The following PIP5K1B variants were observed in gnomAD, a reference collection of about 807,000 sequenced individuals.
PIP5K1B encodes phosphatidylinositol 4-phosphate 5-kinase type-1 beta.
In PIP5K1B, 42 loss-of-function variants were observed where a neutral mutation model predicts 67.0. The ratio of observed to expected loss-of-function variants is 0.63; its 90% CI spans 0.49 to 0.81. The LOEUF (loss-of-function observed/expected upper bound fraction) is 0.81, where lower values mean the gene tolerates loss of function less well. Among genes scored for constraint, PIP5K1B ranks in the 30% least tolerant of loss-of-function variants. The pLI is 0.00. For synonymous variants in PIP5K1B, 214 were observed against 231.4 expected, an observed-to-expected ratio of 0.92 and a Z score of 0.68; for missense variants, 459 against 646.3, an observed-to-expected ratio of 0.71 and a Z score of 3.14.
At chr9:68,712,744 G>C (rs1488193023) in intron 1 of PIP5K1B, among the ~76,000 whole-genome samples, 1 of 152,110 alleles carries the variant, frequency 6.6e-6, no homozygotes, top group East Asian at 1.9e-4. Context: ...ATAAATTCTG[G>C]CATGATTATT....
intron 1 of PIP5K1B, among the ~76,000 whole-genome samples, chr9:68,724,820 TA>T (rs1828075729): frequency 1.3e-5 from 2 of 152,222 alleles, no homozygotes; most frequent in Admixed American, 1.3e-4. Context: ...TTCCAGATCT[TA>T]GTGGAAAGGC....
intron 3 of PIP5K1B, 40 bp from the exon 4 acceptor site, chr9:68,822,575 G>T: frequency 7.1e-7 from 1 of 1,402,072 alleles, no homozygotes; most frequent in Non-Finnish European, 1.0e-6. Flanking sequence ...GTATTTCAGA[G>T]TAACATTGAA....
At chr9:68,779,690 A>G (rs1831116779) in intron 2 of PIP5K1B, among the ~76,000 whole-genome samples, 1 of 152,118 alleles carries the variant, frequency 6.6e-6, no homozygotes, top group Non-Finnish European at 1.5e-5. Context: ...GCTTCCTGCA[A>G]AGTTCTACAT....
At chr9:68,816,946 A>C (rs1421122935) in intron 2 of PIP5K1B, among the ~76,000 whole-genome samples, 1 of 152,244 alleles carries the variant, frequency 6.6e-6, no homozygotes, top group Non-Finnish European at 1.5e-5. Flanking sequence ...ACTGTGTAAA[A>C]ATTTAAAATG....
Position 68,925,796 on chromosome 9 carries a change from T to TTTTTTTTTTTTTTC in PIP5K1B, c.1201+2423_1201+2424insCTTTTTTTTTTTTT, listed in dbSNP as rs1554739087. Among the ~76,000 whole-genome samples the TTTTTTTTTTTTTTC allele has an allele frequency of 6.8e-3, 294 of 43,328 alleles. 23 individuals are homozygous for TTTTTTTTTTTTTTC. Among genetic ancestry groups the TTTTTTTTTTTTTTC allele is most frequent in the African/African-American group, 0.018 (278 of 15,556 alleles). The allele number at this position is 43,328 out of a possible 152,430, so 28.4% of individuals were successfully genotyped here. ...CATGAATACCAGCTTGTGGTTCCAA[T>TTTTTTTTTTTTTTC]TTTTTTTTTTTTTTTTTTTGAGACA... On this transcript the variant is annotated intron_variant, in intron 12 of 15. Transcript: ENST00000265382.
At chr9:68,999,176 TATAAGG>T (rs1830712882) in intron 15 of PIP5K1B, among the ~76,000 whole-genome samples, 1 of 152,204 alleles carries the variant, frequency 6.6e-6, no homozygotes, top group Non-Finnish European at 1.5e-5. Context: ...CCTCTCTTCT[TATAAGG>T]ATGTCACTCA....
chr9:68,940,596 C>G, intron 13 of PIP5K1B, 50 bp from the exon 14 acceptor site: 1 of 1,563,886 alleles, frequency 6.4e-7, no homozygotes, highest in Non-Finnish European at 8.8e-7. Flanking sequence ...GATACTAAAG[C>G]TGCATTTATC....
chr9:69,006,976 A>G (rs1831114226), intron 15 of PIP5K1B, among the ~76,000 whole-genome samples: 1 of 152,172 alleles, frequency 6.6e-6, no homozygotes, highest in East Asian at 1.9e-4. Flanking sequence ...AAAGACAGCT[A>G]TCCTGGGAAT....
chr9:68,733,073 G>A (rs549190457), intron 1 of PIP5K1B, among the ~76,000 whole-genome samples: 14 of 152,244 alleles, frequency 9.2e-5, no homozygotes, highest in Admixed American at 1.3e-4. Context: ...GGTGTGGGCC[G>A]CAAGGTGATT....
chr9:68,924,940 A>G (rs1404499571), intron 12 of PIP5K1B, among the ~76,000 whole-genome samples: 1 of 152,190 alleles, frequency 6.6e-6, no homozygotes, highest in Non-Finnish European at 1.5e-5. Context: ...CTTTATTTCT[A>G]TACTTTATGT....
intron 2 of PIP5K1B, among the ~76,000 whole-genome samples, chr9:68,807,014 G>A (rs1286718374): frequency 1.4e-5 from 2 of 142,348 alleles, no homozygotes; most frequent in African/African-American, 5.2e-5. Context: ...CTCTCTGACT[G>A]TGATGATTGA....
At chr9:68,841,229 A>G (rs1821904527) in intron 4 of PIP5K1B, among the ~76,000 whole-genome samples, 1 of 152,208 alleles carries the variant, frequency 6.6e-6, no homozygotes, top group South Asian at 2.1e-4. Flanking sequence ...TGTGACTGAA[A>G]AGCAAATGTG....
chr9:68,997,519 G>A (rs138568265), intron 15 of PIP5K1B, among the ~76,000 whole-genome samples: 6 of 152,296 alleles, frequency 3.9e-5, no homozygotes, highest in African/African-American at 7.2e-5. Flanking sequence ...CAAACACTGC[G>A]TTTGGTGTAG....
intron 4 of PIP5K1B, among the ~76,000 whole-genome samples, chr9:68,852,551 C>T (rs77483622): frequency 0.11 from 16,225 of 152,204 alleles, 1,134 homozygotes; most frequent in Non-Finnish European, 0.16. Flanking sequence ...GCCATGGTGT[C>T]CCATTGGCCA....
intron 2 of PIP5K1B, among the ~76,000 whole-genome samples, chr9:68,754,261 C>G (rs568036086): frequency 3.5e-5 from 5 of 143,024 alleles, no homozygotes; most frequent in Non-Finnish European, 6.0e-5. Context: ...GCTCCACCCC[C>G]CGGGTTCACG....
intron 1 of PIP5K1B, among the ~76,000 whole-genome samples, chr9:68,706,988 G>T (rs140498584): frequency 6.6e-6 from 1 of 152,282 alleles, no homozygotes; most frequent in East Asian, 1.9e-4. Context: ...GATGAAGTAG[G>T]GTAGTGTTCA....
chr9:68,968,258 A>T (rs1261938291), intron 14 of PIP5K1B, among the ~76,000 whole-genome samples: 1 of 152,162 alleles, frequency 6.6e-6, no homozygotes, highest in Non-Finnish European at 1.5e-5. Flanking sequence ...GGTGGCTCAC[A>T]CCTGTAATCC....
chr9:68,893,612 G>C (rs140344401), intron 7 of PIP5K1B, among the ~76,000 whole-genome samples: 3 of 152,004 alleles, frequency 2.0e-5, no homozygotes. Flanking sequence ...GATTACAGGC[G>C]TGAGCCACAG....
intron 2 of PIP5K1B, among the ~76,000 whole-genome samples, chr9:68,756,488 T>A (rs1178435554): frequency 6.6e-6 from 1 of 152,224 alleles, no homozygotes; most frequent in Non-Finnish European, 1.5e-5. Context: ...AAGATAGTAT[T>A]GCAGAGAGTA....
Sources: gnomAD v4.1 joint callset for allele counts (sites outside exome capture counted in the v4.1 genomes callset) on GRCh38, gnomAD v4.1.1 for gene constraint, MANE v1.5 for transcripts, NCBI Gene and HGNC (gene_info 2026-07-23, HGNC 2026-07-21) for gene names.